NRXN3: variants seen among roughly 807,000 people sequenced by gnomAD.
NRXN3 encodes neurexin III.
Under a neutral mutation model 137.6 loss-of-function variants are expected in NRXN3, and 32 were observed. That is an observed-to-expected ratio of 0.23 (90% CI 0.18 to 0.31). NRXN3 has a LOEUF of 0.31. Ranked by LOEUF, NRXN3 falls within the 10% of genes least tolerant of loss-of-function variation. NRXN3 has a pLI of 1.00. For synonymous variants in NRXN3, 798 were observed against 784.5 expected, an observed-to-expected ratio of 1.02 and a Z score of -0.29; for missense variants, 1,574 against 2,062.5, an observed-to-expected ratio of 0.76 and a Z score of 4.59.
At chr14:79,608,630 GC>G (rs1301879745) in intron 16 of NRXN3, among the ~76,000 whole-genome samples, 1 of 152,206 alleles carries the variant, frequency 6.6e-6, no homozygotes, top group African/African-American at 2.4e-5. Flanking sequence ...TTAGCTGCCA[GC>G]CGGCCTGGCA....
chr14:78,669,534 G>A (rs747053307), intron 6 of NRXN3, among the ~76,000 whole-genome samples: 10 of 152,124 alleles, frequency 6.6e-5, no homozygotes, highest in African/African-American at 2.4e-4. Flanking sequence ...CTAAAGACCA[G>A]GCTCTGTGCT....
At chr14:78,198,850 G>A (rs1337325614) in intron 1 of NRXN3, among the ~76,000 whole-genome samples, 1 of 152,158 alleles carries the variant, frequency 6.6e-6, no homozygotes, top group Non-Finnish European at 1.5e-5. Flanking sequence ...AACCTCAGAT[G>A]TTCTTTTCCT....
chr14:78,534,608 T>G (rs1463923444), intron 4 of NRXN3, among the ~76,000 whole-genome samples: 1 of 152,196 alleles, frequency 6.6e-6, no homozygotes, highest in Admixed American at 6.5e-5. Context: ...GCTCAGAACA[T>G]TGTTATGGCA....
At chr14:79,211,112 C>T (rs1016727256) in intron 15 of NRXN3, among the ~76,000 whole-genome samples, 43 of 152,210 alleles carry the variant, frequency 2.8e-4, no homozygotes, top group Middle Eastern at 3.4e-3. Context: ...GTCCAGGTTT[C>T]GGAACCAAAT....
chr14:79,669,159 C>T (rs559608059), intron 17 of NRXN3: 1 of 152,066 alleles, frequency 6.6e-6, no homozygotes, highest in Admixed American at 6.6e-5. Flanking sequence ...TTCATCCGTT[C>T]AGGACTAGCG....
intron 15 of NRXN3, among the ~76,000 whole-genome samples, chr14:79,281,428 G>A (rs889171652): frequency 2.2e-4 from 34 of 152,156 alleles, no homozygotes; most frequent in Admixed American, 1.2e-3. Flanking sequence ...GCCTCTAAAA[G>A]GGCGATGTCT....
At chr14:78,509,924 A>C (rs1426813882) in intron 4 of NRXN3, among the ~76,000 whole-genome samples, 2 of 152,072 alleles carry the variant, frequency 1.3e-5, no homozygotes, top group East Asian at 1.9e-4. Context: ...AGTGCTCTTG[A>C]AAGTAAAGGT....
At chr14:78,520,151 T>C (rs761400334) in intron 4 of NRXN3, among the ~76,000 whole-genome samples, 1 of 152,202 alleles carries the variant, frequency 6.6e-6, no homozygotes, top group Non-Finnish European at 1.5e-5. Context: ...AATTACTTGA[T>C]TGACCATTTC....
intron 20 of NRXN3, 35 bp downstream of exon 20, chr14:79,805,225 T>G: frequency 6.4e-7 from 1 of 1,571,322 alleles, no homozygotes; most frequent in African/African-American, 1.4e-5. Context: ...CTTGCTTTCT[T>G]TTTTCTTTTG....
intron 4 of NRXN3, among the ~76,000 whole-genome samples, chr14:78,445,077 G>A (rs998553517): frequency 2.0e-5 from 3 of 152,152 alleles, no homozygotes; most frequent in Non-Finnish European, 4.4e-5. Context: ...CTCCAGGGCT[G>A]TGTTTTGCGA....
At chr14:78,307,274 A>G (rs1027148090) in intron 4 of NRXN3, among the ~76,000 whole-genome samples, 11 of 152,182 alleles carry the variant, frequency 7.2e-5, no homozygotes, top group African/African-American at 2.6e-4. Context: ...GCCCATCACT[A>G]TAAGGTTCCA....
chr14:79,571,652 G>A (rs573512009), intron 16 of NRXN3, among the ~76,000 whole-genome samples: 2 of 152,088 alleles, frequency 1.3e-5, no homozygotes, highest in African/African-American at 4.8e-5. Context: ...GAAGCAATTG[G>A]CATTGTTAGT....
At chr14:78,560,909 A>G (rs1434061567) in intron 4 of NRXN3, among the ~76,000 whole-genome samples, 1 of 152,228 alleles carries the variant, frequency 6.6e-6, no homozygotes, top group Non-Finnish European at 1.5e-5. Context: ...CTATATCCCT[A>G]AAAGATTAGA....
intron 10 of NRXN3, among the ~76,000 whole-genome samples, chr14:78,858,959 A>G (rs2099064895): frequency 1.3e-5 from 2 of 152,156 alleles, no homozygotes; most frequent in South Asian, 4.1e-4. Flanking sequence ...AGAATCTGAT[A>G]TGGTTTGGCT....
chr14:79,359,605 C>G (rs1220579904), intron 15 of NRXN3, among the ~76,000 whole-genome samples: 1 of 138,784 alleles, frequency 7.2e-6, no homozygotes, highest in Non-Finnish European at 1.5e-5. Context: ...GAGTCTTGCT[C>G]TGTCGCCCAG....
chr14:78,858,853 T>C (rs2099064647), intron 10 of NRXN3, among the ~76,000 whole-genome samples: 2 of 152,200 alleles, frequency 1.3e-5, no homozygotes, highest in African/African-American at 2.4e-5. Context: ...GTAAGGTCTT[T>C]AGAGTTTGGG....
chr14:78,932,488 T>C (rs893400313), intron 10 of NRXN3, among the ~76,000 whole-genome samples: 19 of 152,184 alleles, frequency 1.2e-4, no homozygotes, highest in Non-Finnish European at 2.5e-4. Context: ...GTAGTGGATA[T>C]GGGATCAGAG....
chr14:79,183,986 A>T (rs912228646), intron 15 of NRXN3, among the ~76,000 whole-genome samples: 3 of 152,192 alleles, frequency 2.0e-5, no homozygotes, highest in Non-Finnish European at 4.4e-5. Context: ...TCCACAATTC[A>T]AAGTAATAAC....
intron 10 of NRXN3, among the ~76,000 whole-genome samples, chr14:78,876,950 A>G (rs903342979): frequency 6.6e-6 from 1 of 152,182 alleles, no homozygotes; most frequent in Non-Finnish European, 1.5e-5. Context: ...AGCCTAGCAA[A>G]TCATTGTTTT....
Sources: gnomAD v4.1 joint callset for allele counts (sites outside exome capture counted in the v4.1 genomes callset) on GRCh38, gnomAD v4.1.1 for gene constraint, MANE v1.5 for transcripts, NCBI Gene and HGNC (gene_info 2026-07-23, HGNC 2026-07-21) for gene names.